Variants in SPTBN5 observed in about 807,000 individuals in gnomAD.
The protein encoded by SPTBN5 is spectrin beta chain, non-erythrocytic 5.
SPTBN5 carries 513 observed loss-of-function variants against 477.6 expected under a neutral mutation model. The ratio of observed to expected loss-of-function variants is 1.07; its 90% CI spans 1.00 to 1.16. The LOEUF is 1.16. Ranked by LOEUF, SPTBN5 falls within the 50% of genes most tolerant of loss-of-function variation. The pLI is 0.00. For synonymous variants in SPTBN5, 2,169 were observed against 2,011.7 expected (o/e 1.08, Z -2.09); for missense variants, 5,062 against 4,731.8 (o/e 1.07, Z -2.05).
At position 41,882,474 on chromosome 15, in the gene SPTBN5, CG is replaced by C. The variant is rs755838303; in HGVS notation, c.2047-6del. ...GTGGACCTCAGCTTCCAGGGCCTAG[CG>C]GGGGGCAGAGCAGGGGGCTCAGTGA... On this transcript the variant is annotated splice_polypyrimidine_tract_variant and splice_region_variant and intron_variant, in intron 10 of 67. Transcript: ENST00000320955. 20 of 1,554,878 alleles carry C rather than the reference CG, an allele frequency of 1.3e-5. No homozygotes were observed. In the East Asian group the frequency reaches 4.7e-4, roughly 37 times the overall value.
At position 41,852,284 on chromosome 15, in the gene SPTBN5, C is replaced by G; in HGVS notation, c.10482G>C (p.Glu3494Asp). 1 of 1,600,252 alleles carries G rather than the reference C, an allele frequency of 6.2e-7. No individual in the cohort carries two copies. The highest frequency in any genetic ancestry group is 8.5e-7 in the Non-Finnish European group (1 of 1,173,340). Reference sequence around the variant, plus strand: ...AGCTGCCAGCTCTCCCGGGCTTCAGCTCCTGTGGCTGCAGCAGGAGCTCCT... The same window carrying G: ...AGCTGCCAGCTCTCCCGGGCTTCAGGTCCTGTGGCTGCAGCAGGAGCTCCT... Reference protein sequence around the residue: ...MEQELLLQPQELKPGRAGSSL... With the variant: ...MEQELLLQPQDLKPGRAGSSL... Residue 3494 changes from glutamate to aspartate, a missense_variant, in exon 62 of 68, where the codon GAG becomes GAC. By Grantham distance (45) the Glu-to-Asp change is conservative. Transcript: ENST00000320955.
chr15:41,878,927 A>C (rs971829617), intron 16 of SPTBN5, among the ~76,000 whole-genome samples: 1 of 152,010 alleles, frequency 6.6e-6, no homozygotes, highest in African/African-American at 2.4e-5. Flanking sequence ...TTAGCCAGGC[A>C]TGGTGGTGGG....
At chr15:41,862,473 A>G in intron 43 of SPTBN5, 66 bp downstream of exon 43, 2 of 1,552,178 alleles carry the variant, frequency 1.3e-6, no homozygotes, top group Admixed American at 3.8e-5. Context: ...ACAGGGGCTG[A>G]GGGGAGGTGT....
Position 41,848,401 on chromosome 15 carries a change from G to A in SPTBN5, c.*215C>T, listed in dbSNP as rs139360469. On this transcript the variant is annotated 3_prime_UTR_variant, in exon 68 of 68. Transcript: ENST00000320955. ...AACACGTCTCCTCTTCACCCAGACA[G>A]GAATGCAGGGGGAGGCCAGGCAATG... 200 of 631,440 alleles carry A rather than the reference G, an allele frequency of 3.2e-4. No individual in the cohort carries two copies. The African/African-American group carries it at 3.3e-3, about 11-fold the overall frequency. The allele number at this position is 631,440 out of a possible 1,614,324, so 39.1% of individuals were successfully genotyped here.
intron 39 of SPTBN5, among the ~76,000 whole-genome samples, chr15:41,865,281 A>G (rs958995951): frequency 2.0e-5 from 3 of 152,208 alleles, no homozygotes; most frequent in Admixed American, 2.0e-4. Context: ...AGTCACACTG[A>G]AGGTGGGCGC....
At position 41,867,018 on chromosome 15, in the gene SPTBN5, G is replaced by A. The variant is rs538566766; in HGVS notation, c.6421C>T (p.Arg2141Trp). 127 of 1,559,036 alleles carry A rather than the reference G, an allele frequency of 8.1e-5. 1 individual carries two copies. In the South Asian group the frequency reaches 1.1e-3, roughly 14 times the overall value. ...RMRVKELAESRGHALHASLLM... is the reference protein window; with the variant it reads ...RMRVKELAESWGHALHASLLM... ...AGGGAGGCATGCAGGGCGTGTCCCC[G>A]GCTCTCCGCCAGCTCCTTCACTCTC... is the stretch of plus-strand genomic sequence containing the variant. The change falls in exon 36 of 68, where the codon CGG becomes TGG. Residue 2141 changes from arginine to tryptophan, a missense_variant. Arg to Trp is a moderately radical substitution (Grantham distance 101). Coordinates refer to ENST00000320955, the MANE Select transcript of SPTBN5 (RefSeq NM_016642.4).
chr15:41,861,464 A>T lies in SPTBN5; in HGVS notation c.7770T>A (p.Arg2590=), dbSNP rs771007071. The change falls in exon 46 of 68, where the codon CGT becomes CGA. Residue 2590 remains arginine (R), a synonymous_variant. Coordinates refer to ENST00000320955, the MANE Select transcript of SPTBN5 (RefSeq NM_016642.4). ...LFLSSVEKME[R]WLCSKEDSLA... ...GGGAGTCTTCCTTGCTGCAAAGCCA[A>T]CGTTCCATCTTCTCCACTGAGCTCA... 6.8e-5 allele frequency: 109 copies of T among 1,613,516 alleles called. No individual in the cohort carries two copies. Among genetic ancestry groups the T allele is most frequent in the Non-Finnish European group, 8.1e-5 (96 of 1,179,910 alleles).
rs566320411 is a variant in SPTBN5 at position 41,874,906 on chromosome 15, A to G, written c.4438T>C (p.Ser1480Pro). Residue 1480 changes from serine to proline, a missense_variant, in exon 23 of 68, where the codon TCC becomes CCC. Ser to Pro is a moderately conservative substitution (Grantham distance 74, BLOSUM62 -1). Coordinates refer to ENST00000320955, the MANE Select transcript of SPTBN5 (RefSeq NM_016642.4). ...TLAAKMAALA[S>P]MAHGMAASPA... ...GAGGCGGCCATGCCATGGGCCATGG[A>G]GGCGAGGGCAGCCATCTTGGCAGCC... 22 of 1,613,148 alleles carry G rather than the reference A, an allele frequency of 1.4e-5. No individual in the cohort carries two copies. The East Asian group carries it at 4.9e-4, about 36-fold the overall frequency.
In SPTBN5 at chr15:41,851,697, C is replaced by A. The variant is rs1298154474; in HGVS notation, c.10656+82G>T. The A allele has an allele frequency of 9.4e-6, 10 of 1,069,480 alleles. No individual in the cohort carries two copies. In the African/African-American group the frequency reaches 9.4e-5, roughly 10 times the overall value. The allele number at this position is 1,069,480 out of a possible 1,614,324, so 66.2% of individuals were successfully genotyped here. ...TGCCCAAGTTCACAGTGCAAGGGTG[C>A]CAGGCCCAGATGGCTCTTCGAGCCA... On this transcript the variant is annotated intron_variant, in intron 63 of 67. Coordinates refer to ENST00000320955, the MANE Select transcript of SPTBN5 (RefSeq NM_016642.4).
chr15:41,882,232 G>GGGCC, intron 11 of SPTBN5, 37 bp downstream of exon 11: 2 of 1,254,126 alleles, frequency 1.6e-6, no homozygotes, highest in Non-Finnish European at 2.1e-6. Flanking sequence ...GCCTCGCCGG[G>GGGCC]CCCCGCCCCC....
chr15:41,852,434 T>G, intron 61 of SPTBN5, 118 bp from the exon 62 acceptor site: 2 of 1,396,224 alleles, frequency 1.4e-6, no homozygotes, highest in Non-Finnish European at 1.9e-6. Context: ...TGCCTCCCCA[T>G]CACTAGCTCT....
In SPTBN5 at chr15:41,879,282, A is replaced by G. The variant is rs367673240; in HGVS notation, c.3160T>C (p.Phe1054Leu). 5.7e-5 allele frequency: 92 copies of G among 1,611,960 alleles called. No individual in the cohort carries two copies. Among genetic ancestry groups the G allele is most frequent in the Middle Eastern group, 1.7e-4 (1 of 5,946 alleles). Residue 1054 changes from phenylalanine to leucine, a missense_variant, in exon 16 of 68, where the codon TTC becomes CTC. Physicochemically the swap from Phe to Leu is conservative, Grantham distance 22 (BLOSUM62 0). Coordinates refer to ENST00000320955, the MANE Select transcript of SPTBN5 (RefSeq NM_016642.4). ...TACTTTACGACCACACTTTGGAGGA[A>G]GTGGACCCTCCTCTCCAGCACCAGG... Reference protein sequence around the residue: ...KTLVLERRVHFLQSVVVKVEE... With the variant: ...KTLVLERRVHLLQSVVVKVEE...
chr15:41,876,042 AAAC>A (rs1375163982), intron 21 of SPTBN5, 69 bp downstream of exon 21: 17 of 1,532,144 alleles, frequency 1.1e-5, no homozygotes, highest in African/African-American at 1.4e-5. Context: ...TCTTCCATGA[AAAC>A]AGGTGGTGCA....
Position 41,861,453 on chromosome 15 carries a change from C to T in SPTBN5, c.7781G>A (p.Ser2594Asn), listed in dbSNP as rs554618889. The T allele has an allele frequency of 2.3e-5, 37 of 1,613,674 alleles. No homozygotes were observed. In the South Asian group the frequency reaches 3.8e-4, roughly 17 times the overall value. Residue 2594 changes from serine to asparagine, a missense_variant, in exon 46 of 68, where the codon AGC becomes AAC. By Grantham distance (46) the Ser-to-Asn change is conservative. Transcript: ENST00000320955. ...CTCACTGGCTAGGGAGTCTTCCTTG[C>T]TGCAAAGCCAACGTTCCATCTTCTC... ...SVEKMERWLC[S>N]KEDSLASEGL...
intron 26 of SPTBN5, among the ~76,000 whole-genome samples, 174 bp from the exon 27 acceptor site, chr15:41,872,633 T>C (rs961177304): frequency 6.6e-6 from 1 of 152,196 alleles, no homozygotes; most frequent in Non-Finnish European, 1.5e-5. Flanking sequence ...CCATTACTGA[T>C]GGAGTAAGTA....
intron 49 of SPTBN5, among the ~76,000 whole-genome samples, chr15:41,858,017 C>T (rs142191296): frequency 6.6e-6 from 1 of 152,354 alleles, no homozygotes; most frequent in East Asian, 1.9e-4. Context: ...AAGTGCTATG[C>T]TGGGCACAGT....
intron 27 of SPTBN5, 59 bp downstream of exon 27, chr15:41,872,243 C>G: frequency 6.4e-7 from 1 of 1,555,410 alleles, no homozygotes; most frequent in Non-Finnish European, 8.7e-7. Context: ...GGCATGGGAA[C>G]AGTCAGCTGT....
chr15:41,849,233 G>A (rs1031571844), intron 67 of SPTBN5, among the ~76,000 whole-genome samples: 1 of 152,232 alleles, frequency 6.6e-6, no homozygotes, highest in African/African-American at 2.4e-5. Context: ...GTGGGTGAGG[G>A]GGGTTGAGCA....
In SPTBN5 at chr15:41,881,685, C is replaced by T. The variant is rs111934711; in HGVS notation, c.2457+251G>A. Among the ~76,000 whole-genome samples the T allele has an allele frequency of 9.0e-3, 1,367 of 152,270 alleles. 28 individuals carry two copies. Among genetic ancestry groups the T allele is most frequent in the African/African-American group, 0.031 (1,277 of 41,552 alleles). ...AAAGTGCTTAACGGTCTGAAACTGC[C>T]GGCAACAGGAGCCAGGCCAAGCTGT... On this transcript the variant is annotated intron_variant, in intron 12 of 67. Coordinates refer to ENST00000320955, the MANE Select transcript of SPTBN5 (RefSeq NM_016642.4).
Sources: allele counts gnomAD v4.1 joint callset (sites outside exome capture counted in the v4.1 genomes callset), GRCh38; gene constraint gnomAD v4.1.1; transcripts MANE v1.5; gene names NCBI Gene and HGNC (gene_info 2026-07-23, HGNC 2026-07-21).